MYLIP: variants seen among roughly 807,000 people sequenced by gnomAD.
The protein encoded by MYLIP is myosin regulatory light chain interacting protein.
MYLIP carries 26 observed loss-of-function variants against 45.8 expected under a neutral mutation model. The ratio of observed to expected loss-of-function variants is 0.57; its 90% CI spans 0.42 to 0.79. The LOEUF (loss-of-function observed/expected upper bound fraction) is 0.79, where lower values mean the gene tolerates loss of function less well. MYLIP is among the 30% of genes least tolerant of loss of function. The pLI, the probability that MYLIP is intolerant of heterozygous loss-of-function variation, is 0.00. For synonymous variants in MYLIP, 213 were observed against 218.1 expected (o/e 0.98, Z 0.21); for missense variants, 494 against 555.6 (o/e 0.89, Z 1.11).
chr6:16,154,239 G>A, the MYLIP span, among the ~76,000 whole-genome samples: 122 of 152,018 alleles, frequency 8.0e-4, 3 homozygotes, highest in Non-Finnish European at 6.3e-4. Context: ...GAATAGTTGC[G>A]ACTACAGGAA....
rs764875886 is a variant in MYLIP, at chr6:16,145,177, C to A, written c.1108C>A (p.Gln370Lys). Residue 370 changes from glutamine to lysine, a missense_variant, in exon 6 of 7, where the codon CAG (glutamine) becomes AAG (lysine). Physicochemically the swap from Gln to Lys is moderately conservative, Grantham distance 53. Transcript: ENST00000356840. Reference protein sequence around the residue: ...CSSCEGLSCQQTRVLQEKLRK... With the variant: ...CSSCEGLSCQKTRVLQEKLRK... Reference sequence around the variant, plus strand: ...CAGCTGCGAGGGCCTCAGCTGCCAGCAGACCCGGGTGCTGCAGGAGAAGCT... The same window carrying A: ...CAGCTGCGAGGGCCTCAGCTGCCAGAAGACCCGGGTGCTGCAGGAGAAGCT... 1 of 1,614,206 alleles carries A rather than the reference C, an allele frequency of 6.2e-7. No homozygotes were observed. Among genetic ancestry groups the A allele is most frequent in the Admixed American group, 1.7e-5 (1 of 60,030 alleles).
chr6:16,142,218 C>A (rs1455557241), intron 3 of MYLIP, among the ~76,000 whole-genome samples: 1 of 152,166 alleles, frequency 6.6e-6, no homozygotes, highest in Non-Finnish European at 1.5e-5. Flanking sequence ...TAAGACTGGG[C>A]CATTGCCCAA....
At chr6:16,142,118 G>C (rs1759686423) in intron 3 of MYLIP, among the ~76,000 whole-genome samples, 1 of 152,180 alleles carries the variant, frequency 6.6e-6, no homozygotes, top group South Asian at 2.1e-4. Flanking sequence ...GGCAGCATCA[G>C]GGCTACTGCA....
Position 16,129,864 on chromosome 6 carries a change from T to C in MYLIP, c.87+455T>C. On this transcript the variant is annotated intron_variant, in intron 1 of 6. Transcript: ENST00000356840. The surrounding 1 kb of genome is among the most constrained non-coding windows in gnomAD (Gnocchi z 5.1). ...GTTCTTGGCAGACAAGCCGGGCCCT[T>C]GTCTCACGCTGCTTCTCAGGCTGCT... Among the ~76,000 whole-genome samples the C allele has an allele frequency of 6.6e-6, 1 of 152,234 alleles. No individual in the cohort carries two copies.
At chr6:16,155,631 C>T in the MYLIP span, among the ~76,000 whole-genome samples, 3 of 152,226 alleles carry the variant, frequency 2.0e-5, no homozygotes, top group East Asian at 5.8e-4. Context: ...GCTGCTTCGG[C>T]ACTGGCAGGG....
chr6:16,154,638 G>C, the MYLIP span, among the ~76,000 whole-genome samples: 1 of 152,176 alleles, frequency 6.6e-6, no homozygotes, highest in African/African-American at 2.4e-5. Context: ...ACCATCCGAA[G>C]GGACAAAATG....
chr6:16,146,884 A>G lies in MYLIP; in HGVS notation c.*133A>G. 1 of 737,982 alleles carries G rather than the reference A, an allele frequency of 1.4e-6. No homozygotes were observed. Among genetic ancestry groups the G allele is most frequent in the South Asian group, 2.0e-5 (1 of 49,598 alleles). 45.7% of individuals were successfully genotyped at this position (737,982 alleles called of 1,614,324 possible). ...TGCGATGTTAAAAAAAAAAAAAAGG[A>G]AGAAAAATAACACAGCTACTCCTCA... On this transcript the variant is annotated 3_prime_UTR_variant, in exon 7 of 7. Coordinates refer to ENST00000356840, the MANE Select transcript of MYLIP (RefSeq NM_013262.4).
chr6:16,159,758 C>G, the MYLIP span, among the ~76,000 whole-genome samples: 1 of 152,210 alleles, frequency 6.6e-6, no homozygotes, highest in Admixed American at 6.5e-5. Context: ...ACCTGAATAC[C>G]CCCAGGCTGA....
At chr6:16,133,187 T>G (rs1000974684) in intron 2 of MYLIP, among the ~76,000 whole-genome samples, 1 of 152,216 alleles carries the variant, frequency 6.6e-6, no homozygotes, top group Non-Finnish European at 1.5e-5. Context: ...CTACCAGCCA[T>G]CCAGACTGCT....
intron 2 of MYLIP, among the ~76,000 whole-genome samples, chr6:16,135,394 A>G (rs1332935191): frequency 6.6e-6 from 1 of 152,102 alleles, no homozygotes; most frequent in African/African-American, 2.4e-5. Context: ...TGAAGTTGGA[A>G]ATTTTCCCAG....
the MYLIP span, among the ~76,000 whole-genome samples, chr6:16,155,808 T>C: frequency 3.9e-5 from 6 of 152,312 alleles, no homozygotes; most frequent in Admixed American, 6.5e-5. Flanking sequence ...ATGCTGTCCA[T>C]GGACAGCTTA....
chr6:16,155,040 C>A, the MYLIP span, among the ~76,000 whole-genome samples: 40 of 152,138 alleles, frequency 2.6e-4, no homozygotes, highest in African/African-American at 8.9e-4. Context: ...TTCAGAGTTT[C>A]CATGTTATTA....
At chr6:16,153,433 G>A in the MYLIP span, among the ~76,000 whole-genome samples, 1 of 152,114 alleles carries the variant, frequency 6.6e-6, no homozygotes, top group Non-Finnish European at 1.5e-5. Context: ...TTTTCCCCAT[G>A]AATTTAACAT....
chr6:16,139,667 CAGAT>C (rs1371564217), intron 2 of MYLIP, among the ~76,000 whole-genome samples: 5 of 152,228 alleles, frequency 3.3e-5, no homozygotes, highest in African/African-American at 1.2e-4. Flanking sequence ...TCTCAGTCCT[CAGAT>C]AGCTATTTTA....
chr6:16,142,387 A>T (rs570348995), intron 3 of MYLIP, among the ~76,000 whole-genome samples: 10 of 152,388 alleles, frequency 6.6e-5, no homozygotes, highest in African/African-American at 2.4e-4. Flanking sequence ...TGTTTTCTTC[A>T]TCCCAGCAAG....
intron 1 of MYLIP, among the ~76,000 whole-genome samples, chr6:16,130,102 A>G (rs909562): frequency 0.19 from 29,570 of 152,054 alleles, 3,778 homozygotes; most frequent in East Asian, 0.4. Context: ...AGATGTTTGG[A>G]AAACCGCTTG....
Position 16,147,149 on chromosome 6 carries a change from G to C in MYLIP, c.*398G>C, listed in dbSNP as rs1422020798. 6.3e-6 allele frequency: 1 copy of C among 158,012 alleles called. No individual in the cohort carries two copies. Among genetic ancestry groups the C allele is most frequent in the African/African-American group, 2.4e-5 (1 of 41,590 alleles). 9.8% of individuals were successfully genotyped at this position (158,012 alleles called of 1,614,324 possible). A position where few individuals can be genotyped will look rare whatever the true frequency, so the allele number is the denominator to read the frequency against. On this transcript the variant is annotated 3_prime_UTR_variant, in exon 7 of 7. Transcript: ENST00000356840. ...AAGTTTCCTACTGGCAGCAGATTTT[G>C]TAAGAATTACTTTTAAGAATTTCAT...
intron 6 of MYLIP, 84 bp from the exon 7 acceptor site, chr6:16,146,578 C>T (rs1759794553): frequency 3.9e-6 from 4 of 1,026,170 alleles, no homozygotes; most frequent in Non-Finnish European, 5.9e-6. Context: ...ATTAAATGCA[C>T]TAGAGACCAG....
intron 3 of MYLIP, among the ~76,000 whole-genome samples, chr6:16,142,115 T>G (rs1449966249): frequency 6.6e-6 from 1 of 152,184 alleles, no homozygotes; most frequent in Non-Finnish European, 1.5e-5. Flanking sequence ...CATGGCAGCA[T>G]CAGGGCTACT....
Sources: gnomAD v4.1 joint callset for allele counts (sites outside exome capture counted in the v4.1 genomes callset) on GRCh38, gnomAD v4.1.1 for gene constraint, Gnocchi (gnomAD v3.1) non-coding constraint, MANE v1.5 for transcripts, NCBI Gene and HGNC (gene_info 2026-07-23, HGNC 2026-07-21) for gene names.